Variants in LYN observed in about 807,000 individuals in gnomAD.
LYN encodes tyrosine-protein kinase Lyn.
LYN carries 12 observed loss-of-function variants against 65.0 expected under a neutral mutation model. That is an observed-to-expected ratio of 0.18 (90% CI 0.12 to 0.30). The LOEUF (loss-of-function observed/expected upper bound fraction) is 0.30, where lower values mean the gene tolerates loss of function less well. Among genes scored for constraint, LYN ranks in the 10% least tolerant of loss-of-function variants. The pLI, the probability that LYN is intolerant of heterozygous loss-of-function variation, is 1.00. For synonymous variants in LYN, 222 were observed against 221.2 expected, an observed-to-expected ratio of 1.00 and a Z score of -0.03; for missense variants, 380 against 623.2, an observed-to-expected ratio of 0.61 and a Z score of 4.16.
intron 9 of LYN, among the ~76,000 whole-genome samples, chr8:55,967,558 T>G (rs978397134): frequency 4.6e-5 from 7 of 152,244 alleles, no homozygotes; most frequent in African/African-American, 1.2e-4. Flanking sequence ...TCAGGCAATC[T>G]GCCTGCCTCA....
At chr8:55,992,739 A>C (rs1808282769) in intron 10 of LYN, among the ~76,000 whole-genome samples, 1 of 152,214 alleles carries the variant, frequency 6.6e-6, no homozygotes. Flanking sequence ...TGGGAAGTCC[A>C]AGATCAAGGC....
intron 1 of LYN, among the ~76,000 whole-genome samples, chr8:55,911,172 C>CGT (rs1805610306): frequency 2.2e-4 from 4 of 18,170 alleles, no homozygotes; most frequent in Admixed American, 2.1e-3. Flanking sequence ...TATATATACA[C>CGT]GTATATATAT....
At chr8:55,919,022 CAAAAAAAAA>C (rs35663372) in intron 1 of LYN, among the ~76,000 whole-genome samples, 3 of 62,756 alleles carry the variant, frequency 4.8e-5, no homozygotes, top group Non-Finnish European at 8.4e-5. Context: ...CCTGTCTCTA[CAAAAAAAAA>C]AAAAAAAAAA....
intron 2 of LYN, among the ~76,000 whole-genome samples, chr8:55,943,133 A>G (rs1187729117): frequency 6.6e-6 from 1 of 152,202 alleles, no homozygotes; most frequent in Non-Finnish European, 1.5e-5. Flanking sequence ...GAAAGGAAGA[A>G]CAGAGCTTTG....
chr8:55,942,369 GTATATATA>G (rs1216408348), intron 2 of LYN, among the ~76,000 whole-genome samples: 11 of 137,768 alleles, frequency 8.0e-5, no homozygotes, highest in African/African-American at 2.8e-4. Context: ...ATATATATGT[GTATATATA>G]TGTGTATATA....
At chr8:55,988,378 G>T (rs1808142309) in intron 10 of LYN, among the ~76,000 whole-genome samples, 1 of 151,258 alleles carries the variant, frequency 6.6e-6, no homozygotes, top group Non-Finnish European at 1.5e-5. Context: ...TTTTAGGTCA[G>T]TTTGGGATTG....
chr8:55,895,957 C>T (rs1805085335), intron 1 of LYN, among the ~76,000 whole-genome samples: 1 of 152,190 alleles, frequency 6.6e-6, no homozygotes, highest in Non-Finnish European at 1.5e-5. Flanking sequence ...CATGCATCAT[C>T]ACCAGTCCTG....
At chr8:55,934,636 C>A (rs1806372547) in intron 1 of LYN, among the ~76,000 whole-genome samples, 1 of 152,208 alleles carries the variant, frequency 6.6e-6, no homozygotes, top group South Asian at 2.1e-4. Context: ...TGTCTTGACA[C>A]CCCTTTCCTC....
rs1347884800 is a variant in LYN at position 55,896,929 on chromosome 8, G to A, written c.-6+16826G>A. 8.5e-5 allele frequency among the ~76,000 whole-genome samples: 13 copies of A among 152,090 alleles called. No homozygotes were observed. In the East Asian group the frequency reaches 2.5e-3, roughly 29 times the overall value. On this transcript the variant is annotated intron_variant, in intron 1 of 12. Transcript: ENST00000519728. ...TAATTTTTGTATTTTTAGTAGAGAC[G>A]GGGTTTTGCCATGTTGGCCAGGTTA...
intron 12 of LYN, among the ~76,000 whole-genome samples, chr8:56,006,308 AAAT>A (rs1196583658): frequency 2.0e-5 from 3 of 152,122 alleles, no homozygotes; most frequent in Non-Finnish European, 4.4e-5. Context: ...AAAGCTCAGA[AAAT>A]AATAATAGTA....
At chr8:55,943,694 A>G (rs1806694532) in intron 2 of LYN, among the ~76,000 whole-genome samples, 1 of 152,094 alleles carries the variant, frequency 6.6e-6, no homozygotes, top group African/African-American at 2.4e-5. Context: ...CCTCCCCTCA[A>G]TATGTCCCCA....
At chr8:55,927,755 G>C (rs928363817) in intron 1 of LYN, among the ~76,000 whole-genome samples, 6 of 151,946 alleles carry the variant, frequency 3.9e-5, no homozygotes, top group Non-Finnish European at 7.4e-5. Flanking sequence ...AGAATTTTTT[G>C]AACCTGGGAG....
chr8:55,936,245 C>G (rs1806433675), intron 1 of LYN, among the ~76,000 whole-genome samples: 1 of 152,208 alleles, frequency 6.6e-6, no homozygotes, highest in Non-Finnish European at 1.5e-5. Context: ...CCCAGGCTTC[C>G]TTTCTCTTCC....
chr8:55,891,066 A>C (rs1804947891), intron 1 of LYN, among the ~76,000 whole-genome samples: 1 of 150,612 alleles, frequency 6.6e-6, no homozygotes, highest in African/African-American at 2.4e-5. Context: ...AAAAAAGGAA[A>C]TGCTGGCTGG....
At chr8:55,944,028 G>T (rs539351883) in intron 2 of LYN, among the ~76,000 whole-genome samples, 1 of 152,228 alleles carries the variant, frequency 6.6e-6, no homozygotes, top group East Asian at 1.9e-4. Context: ...GGGAGAGGTT[G>T]CAGTGAGCCG....
chr8:55,953,645 C>T (rs1416285554), intron 7 of LYN, among the ~76,000 whole-genome samples, 187 bp from the exon 8 acceptor site: 1 of 151,608 alleles, frequency 6.6e-6, no homozygotes, highest in East Asian at 1.9e-4. Context: ...GAAACTTCAT[C>T]TCAAAAAAAA....
At chr8:55,953,350 T>G (rs772886036) in intron 7 of LYN, among the ~76,000 whole-genome samples, 7 of 152,188 alleles carry the variant, frequency 4.6e-5, no homozygotes, top group Admixed American at 1.3e-4. Context: ...AAATGGTTTT[T>G]CTTATATAAA....
At chr8:55,889,755 G>A (rs1178373298) in intron 1 of LYN, among the ~76,000 whole-genome samples, 3 of 152,160 alleles carry the variant, frequency 2.0e-5, no homozygotes, top group Admixed American at 6.5e-5. Context: ...GGCAGGGCAG[G>A]GCGGTAGAGC....
intron 1 of LYN, among the ~76,000 whole-genome samples, chr8:55,927,736 T>C (rs1466655674): frequency 2.6e-5 from 4 of 151,960 alleles, no homozygotes; most frequent in Non-Finnish European, 5.9e-5. Context: ...CTCAGGAGAC[T>C]GAGGCAGGAG....
Sources: gnomAD v4.1 joint callset for allele counts (sites outside exome capture counted in the v4.1 genomes callset) on GRCh38, gnomAD v4.1.1 for gene constraint, MANE v1.5 for transcripts, NCBI Gene and HGNC (gene_info 2026-07-23, HGNC 2026-07-21) for gene names.